TLL2: variants seen among roughly 807,000 people sequenced by gnomAD.
TLL2 encodes tolloid like 2.
In TLL2, 106 loss-of-function variants were observed where a neutral mutation model predicts 123.0. That is an observed-to-expected ratio of 0.86 (90% CI 0.74 to 1.01). The LOEUF (loss-of-function observed/expected upper bound fraction) is 1.01. TLL2 is among the 50% of genes least tolerant of loss of function. The probability of loss-of-function intolerance (pLI) is 0.00; values close to 1 mark genes in which losing one functional copy is unlikely to be tolerated. For synonymous variants in TLL2, 494 were observed against 516.8 expected (o/e 0.96, Z 0.60); for missense variants, 1,332 against 1,336.7 (o/e 1.00, Z 0.06).
At chr10:96,394,801 T>TG in intron 13 of TLL2, among the ~76,000 whole-genome samples, 1 of 152,330 alleles carries the variant, frequency 6.6e-6, no homozygotes, top group Non-Finnish European at 1.5e-5. Context: ...CAGGGTTATT[T>TG]GGGGAATTAA....
chr10:96,493,120 T>C (rs1356771892), intron 1 of TLL2, among the ~76,000 whole-genome samples: 1 of 152,204 alleles, frequency 6.6e-6, no homozygotes, highest in Non-Finnish European at 1.5e-5. Context: ...CTCTCGCTCC[T>C]CTAGCCCTCA....
chr10:96,446,209 C>G (rs1277130360), intron 2 of TLL2, 41 bp from the exon 3 acceptor site: 9 of 1,600,876 alleles, frequency 5.6e-6, no homozygotes, highest in Non-Finnish European at 7.7e-6. Flanking sequence ...GACACATCAG[C>G]CTTCTCTGCA....
At chr10:96,447,425 T>C (rs1846906287) in intron 2 of TLL2, among the ~76,000 whole-genome samples, 1 of 152,210 alleles carries the variant, frequency 6.6e-6, no homozygotes, top group Non-Finnish European at 1.5e-5. Context: ...GTTAGGAGCC[T>C]TGCAAGTGTC....
At chr10:96,408,943 G>T (rs576389411) in intron 9 of TLL2, among the ~76,000 whole-genome samples, 76 of 152,234 alleles carry the variant, frequency 5.0e-4, no homozygotes, top group Non-Finnish European at 1.0e-3. Flanking sequence ...GTTGATGAGA[G>T]GACTAAATTA....
At chr10:96,414,435 C>T (rs558378415) in intron 7 of TLL2, among the ~76,000 whole-genome samples, 2 of 152,302 alleles carry the variant, frequency 1.3e-5, no homozygotes, top group South Asian at 2.1e-4. Flanking sequence ...CCAGCACTGA[C>T]CTCCGATGCC....
At chr10:96,473,092 T>C (rs1008323111) in intron 2 of TLL2, among the ~76,000 whole-genome samples, 1 of 152,078 alleles carries the variant, frequency 6.6e-6, no homozygotes, top group Non-Finnish European at 1.5e-5. Context: ...GTGAGAGTAA[T>C]GTGTGCCACT....
intron 9 of TLL2, among the ~76,000 whole-genome samples, chr10:96,410,148 A>G (rs747714341): frequency 2.6e-5 from 4 of 152,212 alleles, no homozygotes; most frequent in Non-Finnish European, 5.9e-5. Context: ...AACTCAGCAG[A>G]TATTTAGTAC....
intron 1 of TLL2, among the ~76,000 whole-genome samples, chr10:96,485,107 A>T (rs1847345361): frequency 6.6e-6 from 1 of 152,298 alleles, no homozygotes; most frequent in East Asian, 1.9e-4. Context: ...TTGAATTCCT[A>T]CTTCAAGCCA....
In TLL2 at chr10:96,513,737, C is replaced by T. The variant is rs765438231; in HGVS notation, c.-52G>A. 2.9e-5 allele frequency: 41 copies of T among 1,435,196 alleles called. No individual in the cohort carries two copies. Among genetic ancestry groups the T allele is most frequent in the Non-Finnish European group, 3.5e-5 (38 of 1,097,810 alleles). The allele number at this position is 1,435,196 out of a possible 1,614,324, so 88.9% of individuals were successfully genotyped here. A position where few individuals can be genotyped will look rare whatever the true frequency, so the allele number is the denominator to read the frequency against. On this transcript the variant is annotated 5_prime_UTR_variant, in exon 1 of 21. Coordinates refer to ENST00000357947, the MANE Select transcript of TLL2 (RefSeq NM_012465.4). The stretch of plus-strand genomic sequence containing the variant: ...GGGAGTTGCGTGCACGAAAGCTCAG[C>T]TCGGCCGAAAGACGGCGCACACTGG...
intron 4 of TLL2, 83 bp downstream of exon 4, chr10:96,432,724 C>A: frequency 6.5e-7 from 1 of 1,531,218 alleles, no homozygotes; most frequent in Non-Finnish European, 8.9e-7. Context: ...TCCATCCCAC[C>A]CGGGTCCTTC....
At chr10:96,431,609 A>G (rs1034994509) in intron 4 of TLL2, among the ~76,000 whole-genome samples, 2 of 152,190 alleles carry the variant, frequency 1.3e-5, no homozygotes, top group Non-Finnish European at 2.9e-5. Context: ...CCTGCCTAGG[A>G]TGTGCCGCGC....
intron 3 of TLL2, among the ~76,000 whole-genome samples, chr10:96,437,623 G>A: frequency 6.6e-6 from 1 of 152,014 alleles, no homozygotes; most frequent in East Asian, 1.9e-4. Flanking sequence ...TCTGTCATTT[G>A]ATGAATATCA....
intron 11 of TLL2, 54 bp from the exon 12 acceptor site, chr10:96,396,074 TAGGA>T: frequency 1.3e-6 from 2 of 1,584,316 alleles, no homozygotes. Context: ...AGATCTTACT[TAGGA>T]AGGAAGGTTG....
chr10:96,478,557 A>G (rs935087736), intron 2 of TLL2, among the ~76,000 whole-genome samples: 20 of 152,344 alleles, frequency 1.3e-4, no homozygotes, highest in African/African-American at 4.6e-4. Context: ...AGCTTTATTT[A>G]TCGTAGCCCA....
chr10:96,379,273 G>A (rs1265222598), intron 16 of TLL2, among the ~76,000 whole-genome samples, 181 bp from the exon 17 acceptor site: 1 of 152,020 alleles, frequency 6.6e-6, no homozygotes, highest in Non-Finnish European at 1.5e-5. Flanking sequence ...AGGTTTCTTG[G>A]GTATGTACTT....
At chr10:96,469,758 T>C (rs187386123) in intron 2 of TLL2, among the ~76,000 whole-genome samples, 1 of 152,268 alleles carries the variant, frequency 6.6e-6, no homozygotes, top group Admixed American at 6.5e-5. Context: ...AAGTGGTTAC[T>C]GCTGTATCCT....
intron 1 of TLL2, among the ~76,000 whole-genome samples, chr10:96,487,788 C>T (rs950052145): frequency 6.6e-6 from 1 of 152,160 alleles, no homozygotes; most frequent in Non-Finnish European, 1.5e-5. Context: ...AGGGTTCTTC[C>T]CAGTCCCGCA....
intron 1 of TLL2, among the ~76,000 whole-genome samples, chr10:96,491,394 A>AAAAAAAG (rs1554940934): frequency 6.7e-6 from 1 of 149,168 alleles, no homozygotes; most frequent in Non-Finnish European, 1.5e-5. Flanking sequence ...AAAAAAAAAA[A>AAAAAAAG]AAAAGAAAAG....
intron 5 of TLL2, among the ~76,000 whole-genome samples, chr10:96,427,326 T>C (rs540233861): frequency 2.0e-5 from 3 of 152,368 alleles, no homozygotes; most frequent in South Asian, 2.1e-4. Context: ...GATAGACCTA[T>C]AGAATCAACT....
Sources: gnomAD v4.1 joint callset for allele counts (sites outside exome capture counted in the v4.1 genomes callset) on GRCh38, gnomAD v4.1.1 for gene constraint, MANE v1.5 for transcripts, NCBI Gene and HGNC (gene_info 2026-07-23, HGNC 2026-07-21) for gene names.